Variants in LGR6 observed in about 807,000 individuals in gnomAD.
LGR6 encodes the protein leucine rich repeat containing G protein-coupled receptor 6.
In LGR6, 45 loss-of-function variants were observed where a neutral mutation model predicts 69.4. The observed-to-expected ratio is 0.65, with a 90% CI of 0.51 to 0.83. LGR6 has a LOEUF of 0.83. Among genes scored for constraint, LGR6 ranks in the 40% least tolerant of loss-of-function variants. The pLI, the probability that LGR6 is intolerant of heterozygous loss-of-function variation, is 0.00. For missense variants in LGR6, 1,108 were observed against 1,246.7 expected, an observed-to-expected ratio of 0.89 and a Z score of 1.68; for synonymous variants, 538 against 555.0, an observed-to-expected ratio of 0.97 and a Z score of 0.43.
chr1:202,242,744 G>A (rs544727566), intron 4 of LGR6, among the ~76,000 whole-genome samples: 4 of 152,290 alleles, frequency 2.6e-5, no homozygotes, highest in African/African-American at 9.6e-5. Flanking sequence ...GGAGGTCTTA[G>A]GAGGGATTGG....
At chr1:202,283,590 G>A (rs1666176223) in intron 6 of LGR6, among the ~76,000 whole-genome samples, 1 of 152,198 alleles carries the variant, frequency 6.6e-6, no homozygotes, top group Non-Finnish European at 1.5e-5. Flanking sequence ...GCTGTGGTTT[G>A]GCTCCTCTGC....
intron 5 of LGR6, among the ~76,000 whole-genome samples, chr1:202,276,767 T>A (rs1206694515): frequency 3.9e-5 from 6 of 152,216 alleles, no homozygotes; most frequent in Non-Finnish European, 8.8e-5. Context: ...CAGGGTACTA[T>A]AATCAGAAAA....
chr1:202,260,912 AAGG>A (rs1413022405), intron 4 of LGR6, among the ~76,000 whole-genome samples: 1 of 152,056 alleles, frequency 6.6e-6, no homozygotes, highest in Non-Finnish European at 1.5e-5. Context: ...TTATTCTTTC[AAGG>A]AGAGCATATT....
intron 4 of LGR6, among the ~76,000 whole-genome samples, chr1:202,250,851 C>T (rs1274350254): frequency 6.6e-6 from 1 of 152,188 alleles, no homozygotes; most frequent in African/African-American, 2.4e-5. Flanking sequence ...CTCAGTAACA[C>T]ACAATCTGTA....
chr1:202,223,101 A>T (rs200989463), intron 1 of LGR6, among the ~76,000 whole-genome samples: 1 of 12,274 alleles, frequency 8.1e-5, no homozygotes, highest in Non-Finnish European at 5.4e-4. Flanking sequence ...AACTCTGGGG[A>T]AAAAAAAATC....
chr1:202,209,745 C>T (rs1024857351), intron 1 of LGR6, among the ~76,000 whole-genome samples: 12 of 152,242 alleles, frequency 7.9e-5, no homozygotes, highest in Non-Finnish European at 5.9e-5. Flanking sequence ...GCATCGGCAT[C>T]ATCTGTGAGT....
chr1:202,310,372 G>T lies in LGR6; in HGVS notation c.1567+15G>T. On this transcript the variant is annotated intron_variant, in intron 16 of 17. Coordinates refer to ENST00000367278, the MANE Select transcript of LGR6 (RefSeq NM_001017403.2). ...AGAGAACCACTGTGAGTGACCAGGGGCCCTGGGTTGGGGAGGGTAGTGGGC... is the reference window on the plus strand; with the variant it reads ...AGAGAACCACTGTGAGTGACCAGGGTCCCTGGGTTGGGGAGGGTAGTGGGC... 8.1e-6 allele frequency: 13 copies of T among 1,612,250 alleles called. No individual in the cohort carries two copies. The highest frequency in any genetic ancestry group is 1.1e-5 in the Non-Finnish European group (13 of 1,179,668).
At chr1:202,252,188 A>G (rs995854782) in intron 4 of LGR6, among the ~76,000 whole-genome samples, 1 of 152,048 alleles carries the variant, frequency 6.6e-6, no homozygotes, top group African/African-American at 2.4e-5. Context: ...TCTCTACTCC[A>G]GCGAAGCCAC....
intron 1 of LGR6, among the ~76,000 whole-genome samples, chr1:202,217,583 C>T (rs1247138922): frequency 6.6e-6 from 1 of 152,160 alleles, no homozygotes; most frequent in Non-Finnish European, 1.5e-5. Flanking sequence ...CTGTGGGTGC[C>T]CAGCATCTCC....
At chr1:202,284,582 A>G (rs1183011391) in intron 6 of LGR6, among the ~76,000 whole-genome samples, 1 of 152,230 alleles carries the variant, frequency 6.6e-6, no homozygotes, top group Admixed American at 6.5e-5. Context: ...ATAAGAGAGC[A>G]TGGTGAAGAA....
chr1:202,286,227 A>G (rs1346279693), intron 6 of LGR6, among the ~76,000 whole-genome samples: 1 of 152,146 alleles, frequency 6.6e-6, no homozygotes, highest in East Asian at 1.9e-4. Flanking sequence ...CTCTACAGCT[A>G]TCCTGGCGGG....
In LGR6 at chr1:202,304,562, C is replaced by A; in HGVS notation, c.1002C>A (p.Thr334=). 1 of 1,607,194 alleles carries A rather than the reference C, an allele frequency of 6.2e-7. No homozygotes were observed. The highest frequency in any genetic ancestry group is 8.5e-7 in the Non-Finnish European group (1 of 1,174,804). The change falls in exon 11 of 18, where the codon ACC becomes ACA. Residue 334 remains threonine, a synonymous_variant. Transcript: ENST00000367278. The stretch of plus-strand genomic sequence containing the variant: ...TCTGTCTCTGTTCTCCCTGCAGGAC[C>A]CTGACCCGCGCAGGCATCCGGCTGC... ...LKGTTSLEIL[T]LTRAGIRLLP...
At chr1:202,294,596 C>G (rs547786321) in intron 6 of LGR6, among the ~76,000 whole-genome samples, 26 of 152,176 alleles carry the variant, frequency 1.7e-4, no homozygotes, top group Admixed American at 7.2e-4. Context: ...CCTCATCATT[C>G]AAGAGTCTAG....
In LGR6 at chr1:202,312,776, G is replaced by A. The variant is rs530458282; in HGVS notation, c.1568-2026G>A. On this transcript the variant is annotated intron_variant, in intron 16 of 17. Transcript: ENST00000367278. The stretch of plus-strand genomic sequence containing the variant: ...ATTCTTTAAAAAGCCTTTCAGTGAT[G>A]GATTATCACTGCAAAAAATGTTTTG... Among the ~76,000 whole-genome samples the A allele has an allele frequency of 2.0e-5, 3 of 152,126 alleles. No homozygotes were observed. The East Asian group carries it at 5.8e-4, about 29-fold the overall frequency.
intron 10 of LGR6, among the ~76,000 whole-genome samples, chr1:202,303,874 G>A (rs1038879680): frequency 1.3e-5 from 2 of 152,178 alleles, no homozygotes; most frequent in Admixed American, 6.5e-5. Flanking sequence ...TTCATTCATG[G>A]CACCACTGGG....
chr1:202,255,747 A>G (rs537687573), intron 4 of LGR6, among the ~76,000 whole-genome samples: 1 of 152,260 alleles, frequency 6.6e-6, no homozygotes, highest in Non-Finnish European at 1.5e-5. Context: ...ATGAGCACAC[A>G]TACTCTTACA....
Position 202,297,541 on chromosome 1 carries a change from T to C in LGR6, c.750T>C (p.Pro250=), listed in dbSNP as rs777145155. The C allele has an allele frequency of 5.6e-6, 9 of 1,613,902 alleles. No homozygotes were observed. The South Asian group carries it at 7.7e-5, about 14-fold the overall frequency. Residue 250 remains proline (P), a synonymous_variant, in exon 7 of 18, where the codon CCT becomes CCC. Transcript: ENST00000367278. ...ATTATAACAAGCTGCAGGAGTTCCCTGTGGCCATCCGGACCCTGGGCAGAC... is the reference window on the plus strand; with the variant it reads ...ATTATAACAAGCTGCAGGAGTTCCCCGTGGCCATCCGGACCCTGGGCAGAC... ...DLNYNKLQEF[P]VAIRTLGRLQ... is the part of the protein sequence containing the mutation.
intron 2 of LGR6, 78 bp downstream of exon 2, chr1:202,225,572 T>C: frequency 7.5e-7 from 1 of 1,327,676 alleles, no homozygotes; most frequent in Non-Finnish European, 1.1e-6. Flanking sequence ...CCCCAGGAGG[T>C]GGGGTGGAGA....
intron 4 of LGR6, among the ~76,000 whole-genome samples, chr1:202,244,548 C>T (rs1662487421): frequency 6.6e-6 from 1 of 152,056 alleles, no homozygotes; most frequent in Non-Finnish European, 1.5e-5. Flanking sequence ...GGCTGCATCA[C>T]TCCAGTCTCT....
Sources: gnomAD v4.1 joint callset for allele counts (sites outside exome capture counted in the v4.1 genomes callset) on GRCh38, gnomAD v4.1.1 for gene constraint, MANE v1.5 for transcripts, NCBI Gene and HGNC (gene_info 2026-07-23, HGNC 2026-07-21) for gene names.